The following NDUFAF6 variants were observed in gnomAD, a reference collection of about 807,000 sequenced individuals.
NDUFAF6 encodes NADH:ubiquinone oxidoreductase complex assembly factor 6.
A neutral mutation model predicts 40.8 loss-of-function variants in NDUFAF6; 45 were observed. That is an observed-to-expected ratio of 1.10 (90% CI 0.87 to 1.42). The LOEUF is 1.42. NDUFAF6 is among the 40% of genes most tolerant of loss of function. The pLI is 0.00. For missense variants in NDUFAF6, 435 were observed against 418.5 expected (o/e 1.04, Z -0.34); for synonymous variants, 185 against 155.9 (o/e 1.19, Z -1.39).
intron 2 of NDUFAF6, among the ~76,000 whole-genome samples, chr8:94,994,653 G>A (rs1039311108): frequency 2.6e-5 from 4 of 152,064 alleles, no homozygotes; most frequent in Admixed American, 6.6e-5. Context: ...GGACAACACA[G>A]TGAGACCCTG....
intron 1 of NDUFAF6, among the ~76,000 whole-genome samples, chr8:94,934,149 GAA>G (rs141439112): frequency 8.8e-5 from 13 of 148,428 alleles, no homozygotes; most frequent in East Asian, 3.9e-4. Context: ...TACAGGCACA[GAA>G]AAAAAAAAAC....
upstream of NDUFAF6, among the ~76,000 whole-genome samples, chr8:95,097,869 T>C (rs938846482): frequency 5.9e-5 from 9 of 152,222 alleles, no homozygotes; most frequent in African/African-American, 1.9e-4. Flanking sequence ...TCAGATACCT[T>C]GCAAATTCCT....
upstream of NDUFAF6, among the ~76,000 whole-genome samples, chr8:94,956,895 G>A (rs1485579363): frequency 6.6e-6 from 1 of 152,178 alleles, no homozygotes; most frequent in Non-Finnish European, 1.5e-5. Context: ...TGGGGGCCAG[G>A]CGCAGTGGCT....
At chr8:95,048,329 A>C in intron 6 of NDUFAF6, 128 bp from the exon 7 acceptor site, 1 of 728,376 alleles carries the variant, frequency 1.4e-6, no homozygotes, top group East Asian at 2.7e-5. Context: ...TAAACTGTAC[A>C]TACTGTTCTG....
At chr8:95,000,567 T>C (rs1038849089) in intron 2 of NDUFAF6, among the ~76,000 whole-genome samples, 1 of 151,230 alleles carries the variant, frequency 6.6e-6, no homozygotes, top group African/African-American at 2.4e-5. Context: ...CATATTTTAA[T>C]CTAAAAGTAA....
intron 1 of NDUFAF6, among the ~76,000 whole-genome samples, chr8:94,936,754 G>A (rs1394191352): frequency 6.6e-6 from 1 of 152,168 alleles, no homozygotes; most frequent in Non-Finnish European, 1.5e-5. Flanking sequence ...AGGTTTGGAA[G>A]GTGACTGGGA....
intron 2 of NDUFAF6, among the ~76,000 whole-genome samples, chr8:94,999,960 A>G (rs1315394536): frequency 6.6e-6 from 1 of 152,074 alleles, no homozygotes; most frequent in African/African-American, 2.4e-5. Context: ...ACCTAATCCC[A>G]GCACTTTGAC....
At chr8:94,936,853 C>T (rs1414352970) in intron 1 of NDUFAF6, among the ~76,000 whole-genome samples, 1 of 152,136 alleles carries the variant, frequency 6.6e-6, no homozygotes, top group Non-Finnish European at 1.5e-5. Context: ...AGACAGGCTG[C>T]ATCTAGACAT....
chr8:95,004,666 T>C (rs753859010), intron 2 of NDUFAF6, among the ~76,000 whole-genome samples: 2 of 152,098 alleles, frequency 1.3e-5, no homozygotes, highest in Non-Finnish European at 2.9e-5. Context: ...TTTGAATTCT[T>C]AACTCTACCC....
intron 1 of NDUFAF6, chr8:94,896,029 C>T (rs1817521799): frequency 6.5e-6 from 1 of 152,892 alleles, no homozygotes; most frequent in Admixed American, 6.5e-5. Flanking sequence ...CCTGCAGTGG[C>T]CTCCAGCTGC....
chr8:94,944,833 T>G (rs1821851210), intron 1 of NDUFAF6, among the ~76,000 whole-genome samples: 1 of 152,160 alleles, frequency 6.6e-6, no homozygotes, highest in Admixed American at 6.5e-5. Flanking sequence ...ATGGGGAGAC[T>G]GCGCTGAATC....
chr8:94,954,208 G>A (rs1367076987), upstream of NDUFAF6, among the ~76,000 whole-genome samples: 4 of 152,010 alleles, frequency 2.6e-5, no homozygotes, highest in East Asian at 1.9e-4. Flanking sequence ...GACTACAGGC[G>A]TGTGCCACCA....
intron 4 of NDUFAF6, among the ~76,000 whole-genome samples, chr8:95,114,322 G>C (rs532401578): frequency 6.6e-6 from 1 of 152,162 alleles, no homozygotes; most frequent in African/African-American, 2.4e-5. Context: ...GAACCCCAGT[G>C]GTTCCCTGAC....
intron 1 of NDUFAF6, among the ~76,000 whole-genome samples, chr8:94,936,033 T>C (rs1820942133): frequency 6.6e-6 from 1 of 152,216 alleles, no homozygotes; most frequent in African/African-American, 2.4e-5. Flanking sequence ...GATAGTCTTA[T>C]GTGGAAGGGA....
intron 2 of NDUFAF6, among the ~76,000 whole-genome samples, chr8:95,018,410 ATTC>A (rs1827556680): frequency 8.8e-6 from 1 of 113,086 alleles, no homozygotes; most frequent in African/African-American, 3.0e-5. Context: ...ATTACCTCCT[ATTC>A]ATTCATTCAT....
Position 95,048,565 on chromosome 8 carries a change from C to T in NDUFAF6, c.816+7C>T, listed in dbSNP as rs754214884. 1.2e-5 allele frequency: 20 copies of T among 1,609,566 alleles called. No homozygotes were observed. The highest frequency in any genetic ancestry group is 4.4e-5 in the South Asian group (4 of 90,974). On this transcript the variant is annotated splice_region_variant and intron_variant, in intron 7 of 8. Coordinates refer to ENST00000396124, the MANE Select transcript of NDUFAF6 (RefSeq NM_152416.4). ...ACACTTGCACCTAAAGCATGTAAGTCGGCTTTTTTTTGCCAAATCATTTAG... is the reference window on the plus strand; with the variant it reads ...ACACTTGCACCTAAAGCATGTAAGTTGGCTTTTTTTTGCCAAATCATTTAG...
chr8:95,111,409 A>C (rs548112633), intron 4 of NDUFAF6, among the ~76,000 whole-genome samples: 1 of 152,356 alleles, frequency 6.6e-6, no homozygotes, highest in South Asian at 2.1e-4. Context: ...ATACACGTGT[A>C]ATCTCAGTAT....
intron 9 of NDUFAF6, among the ~76,000 whole-genome samples, chr8:95,071,191 C>T (rs1832838111): frequency 6.6e-6 from 1 of 151,324 alleles, no homozygotes. Context: ...GAAATCAAGA[C>T]CATCCTGGCT....
At chr8:94,972,540 C>T (rs1387149374) in intron 1 of NDUFAF6, among the ~76,000 whole-genome samples, 1 of 152,052 alleles carries the variant, frequency 6.6e-6, no homozygotes, top group Non-Finnish European at 1.5e-5. Context: ...CACCCAGCCA[C>T]AATGTGATCT....
Sources: allele counts gnomAD v4.1 joint callset (sites outside exome capture counted in the v4.1 genomes callset), GRCh38; gene constraint gnomAD v4.1.1; transcripts MANE v1.5; gene names NCBI Gene and HGNC (gene_info 2026-07-23, HGNC 2026-07-21).